The following GSAP variants were observed in gnomAD, a reference collection of about 807,000 sequenced individuals.
GSAP encodes the protein gamma-secretase activating protein.
GSAP carries 118 observed loss-of-function variants against 131.7 expected under a neutral mutation model. The observed-to-expected ratio is 0.90, with a 90% CI of 0.77 to 1.04. The LOEUF (loss-of-function observed/expected upper bound fraction) is 1.04, where lower values mean the gene tolerates loss of function less well. GSAP is among the 50% of genes least tolerant of loss of function. The pLI, the probability that GSAP is intolerant of heterozygous loss-of-function variation, is 0.00. For synonymous variants in GSAP, 381 were observed against 363.4 expected, an observed-to-expected ratio of 1.05 and a Z score of -0.55; for missense variants, 1,019 against 1,013.2, an observed-to-expected ratio of 1.01 and a Z score of -0.08.
At position 77,312,698 on chromosome 7, in the gene GSAP, T is replaced by C. The variant is rs1024372084; in HGVS notation, c.2272-496A>G. On this transcript the variant is annotated intron_variant, in intron 28 of 30. Coordinates refer to ENST00000257626, the MANE Select transcript of GSAP (RefSeq NM_017439.4). ...CTTTGTTTTCTATTCTTGCCTTTGCTTCAGTAAGCCTGTGAGTGAGGGGCA... is the reference window on the plus strand; with the variant it reads ...CTTTGTTTTCTATTCTTGCCTTTGCCTCAGTAAGCCTGTGAGTGAGGGGCA... Among the ~76,000 whole-genome samples the C allele has an allele frequency of 5.3e-5, 8 of 152,334 alleles. No individual in the cohort carries two copies. The East Asian group carries it at 9.6e-4, about 18-fold the overall frequency.
intron 12 of GSAP, among the ~76,000 whole-genome samples, chr7:77,370,618 T>C (rs1304055647): frequency 2.0e-5 from 3 of 152,238 alleles, no homozygotes; most frequent in Non-Finnish European, 4.4e-5. Flanking sequence ...CCACTCAATA[T>C]ATGCTGTGAG....
chr7:77,392,538 G>A (rs1241869415), intron 5 of GSAP, among the ~76,000 whole-genome samples: 2 of 152,010 alleles, frequency 1.3e-5, no homozygotes, highest in Non-Finnish European at 2.9e-5. Context: ...ACAGAGCAAG[G>A]CACTGTCTCA....
rs190161254 is a variant in GSAP, at chr7:77,411,563, T to C, written c.109+4650A>G. 1.4e-4 allele frequency among the ~76,000 whole-genome samples: 21 copies of C among 152,318 alleles called. 1 individual carries two copies. Among genetic ancestry groups the C allele is most frequent in the Admixed American group, 9.8e-4 (15 of 15,298 alleles). Reference sequence around the variant, plus strand: ...ACCTAGGATGAAATCTAGCAAAACATGTGCAGAACCTTCATGGAGAAAATT... The same window carrying C: ...ACCTAGGATGAAATCTAGCAAAACACGTGCAGAACCTTCATGGAGAAAATT... On this transcript the variant is annotated intron_variant, in intron 1 of 30. Coordinates refer to ENST00000257626, the MANE Select transcript of GSAP (RefSeq NM_017439.4).
chr7:77,328,667 G>A, intron 21 of GSAP, 30 bp from the exon 22 acceptor site: 5 of 1,362,210 alleles, frequency 3.7e-6, no homozygotes, highest in Non-Finnish European at 5.2e-6. Flanking sequence ...GTTATTCACA[G>A]ACAGCATTGC....
intron 5 of GSAP, among the ~76,000 whole-genome samples, chr7:77,389,999 C>G (rs1799217158): frequency 1.3e-5 from 2 of 152,296 alleles, no homozygotes; most frequent in South Asian, 4.1e-4. Flanking sequence ...GATAGTATCT[C>G]ATTGTGGTTT....
rs1448472403 is a variant in GSAP, at chr7:77,378,055, GCTTT to G, written c.577-669_577-666del. The stretch of plus-strand genomic sequence containing the variant: ...TTTTCCAATGGTGCATTGGCATGCT[GCTTT>G]GACAATTACATTTTAATTAATGCTA... On this transcript the variant is annotated intron_variant, in intron 8 of 30. Transcript: ENST00000257626. Among the ~76,000 whole-genome samples the G allele has an allele frequency of 5.3e-5, 8 of 152,224 alleles. No individual in the cohort carries two copies. The East Asian group carries it at 1.5e-3, about 29-fold the overall frequency.
At chr7:77,367,053 G>C (rs575400660) in intron 12 of GSAP, among the ~76,000 whole-genome samples, 2 of 152,310 alleles carry the variant, frequency 1.3e-5, no homozygotes, top group African/African-American at 4.8e-5. Flanking sequence ...AGAAATGCTA[G>C]AGATTTCTGT....
intron 1 of GSAP, among the ~76,000 whole-genome samples, chr7:77,411,166 T>C (rs1434063802): frequency 6.8e-6 from 1 of 147,722 alleles, no homozygotes; most frequent in South Asian, 2.1e-4. Context: ...CAAATCAATC[T>C]AGGAATACAT....
rs558561443 is a variant in GSAP at position 77,311,150 on chromosome 7, A to T, written c.*208T>A. 4.8e-5 allele frequency: 25 copies of T among 525,568 alleles called. No homozygotes were observed. The East Asian group carries it at 7.4e-4, about 15-fold the overall frequency. The allele number at this position is 525,568 out of a possible 1,614,324, so 32.6% of individuals were successfully genotyped here. ...TTCTTAGGCCATTTATCATTTCTCT[A>T]CACTTGATTGCTCACTGGCTATTCA... On this transcript the variant is annotated 3_prime_UTR_variant, in exon 31 of 31. Transcript: ENST00000257626.
chr7:77,352,905 T>C, intron 18 of GSAP, 39 bp downstream of exon 18: 1 of 1,171,178 alleles, frequency 8.5e-7, no homozygotes, highest in Non-Finnish European at 1.3e-6. Context: ...AACTGTGAAT[T>C]GATTTTATTT....
chr7:77,362,710 ATAAAG>A, intron 12 of GSAP, 50 bp from the exon 13 acceptor site: 1 of 1,090,176 alleles, frequency 9.2e-7, no homozygotes, highest in Non-Finnish European at 1.4e-6. Flanking sequence ...TATGTCATAA[ATAAAG>A]TTTCCTAAAC....
At chr7:77,332,793 CTATAA>C (rs1457347576) in intron 19 of GSAP, among the ~76,000 whole-genome samples, 2 of 152,016 alleles carry the variant, frequency 1.3e-5, no homozygotes, top group Non-Finnish European at 2.9e-5. Context: ...TTAGATATAT[CTATAA>C]TATCTTACAG....
chr7:77,376,799 A>AAATGT, intron 10 of GSAP, 49 bp downstream of exon 10: 1 of 744,640 alleles, frequency 1.3e-6, no homozygotes, highest in Non-Finnish European at 2.3e-6. Context: ...AAAAAAAGAG[A>AAATGT]GTAATGTATC....
chr7:77,385,553 C>T lies in GSAP; in HGVS notation c.456+1807G>A, dbSNP rs375745360. ...TGGCCCTAACAAGATGCTAAGGAAG[C>T]CAAAGAACAGACCAGAAAAGAGAAG... is the stretch of plus-strand genomic sequence containing the variant. On this transcript the variant is annotated intron_variant, in intron 6 of 30. Transcript: ENST00000257626. 6.6e-5 allele frequency among the ~76,000 whole-genome samples: 10 copies of T among 152,274 alleles called. No individual in the cohort carries two copies. The South Asian group carries it at 1.0e-3, about 16-fold the overall frequency.
At chr7:77,351,612 G>A (rs1455194463) in intron 18 of GSAP, 4 of 985,632 alleles carry the variant, frequency 4.1e-6, no homozygotes, top group Non-Finnish European at 4.8e-6. Flanking sequence ...ATAACCACAG[G>A]TTTCTTTATA....
intron 5 of GSAP, among the ~76,000 whole-genome samples, chr7:77,391,528 A>G (rs1799536468): frequency 6.6e-6 from 1 of 152,182 alleles, no homozygotes; most frequent in South Asian, 2.1e-4. Context: ...CCTCATTATT[A>G]AACATAATAA....
At position 77,326,884 on chromosome 7, in the gene GSAP, G is replaced by GA. The variant is rs989889485; in HGVS notation, c.1766-612dup. ...GGGGCAGACAAACCCAGTCTTGCTG[G>GA]AAAATCTGCCCCAAAGCGCTTCTAA... On this transcript the variant is annotated intron_variant, in intron 22 of 30. Transcript: ENST00000257626. The GA allele has an allele frequency of 6.0e-4, 91 of 152,322 alleles. 1 individual carries two copies. Among genetic ancestry groups the GA allele is most frequent in the African/African-American group, 1.9e-3 (79 of 41,558 alleles). 9.4% of individuals were successfully genotyped at this position (152,322 alleles called of 1,614,324 possible).
intron 5 of GSAP, among the ~76,000 whole-genome samples, 176 bp downstream of exon 5, chr7:77,396,806 C>G (rs377712952): frequency 6.6e-6 from 1 of 150,680 alleles, no homozygotes; most frequent in East Asian, 1.9e-4. Flanking sequence ...TTTCTGTTTG[C>G]TTGAAAAAAA....
chr7:77,390,946 TAAAAAAAAAAAA>T (rs71085453), intron 5 of GSAP, among the ~76,000 whole-genome samples: 59 of 37,940 alleles, frequency 1.6e-3, no homozygotes, highest in Middle Eastern at 0.014. Context: ...AGACTCCGTC[TAAAAAAAAAAAA>T]AAAAAAAAAA....
Sources: gnomAD v4.1 joint callset for allele counts (sites outside exome capture counted in the v4.1 genomes callset) on GRCh38, gnomAD v4.1.1 for gene constraint, MANE v1.5 for transcripts, NCBI Gene and HGNC (gene_info 2026-07-23, HGNC 2026-07-21) for gene names.